Variants in ZDBF2 observed in about 807,000 individuals in gnomAD.
ZDBF2 encodes the protein DBF4-type zinc finger-containing protein 2.
In ZDBF2, 6 loss-of-function variants were observed where a neutral mutation model predicts 9.4. That is an observed-to-expected ratio of 0.64 (90% CI 0.35 to 1.27). ZDBF2 has a LOEUF of 1.27. Among genes scored for constraint, ZDBF2 ranks in the 50% most tolerant of loss-of-function variants. The probability of loss-of-function intolerance (pLI) is 0.03; values close to 1 mark genes in which losing one functional copy is unlikely to be tolerated. For missense variants in ZDBF2, 2,697 were observed against 2,766.8 expected, an observed-to-expected ratio of 0.97 and a Z score of 0.57; for synonymous variants, 905 against 946.3, an observed-to-expected ratio of 0.96 and a Z score of 0.80.
rs373500131 is a variant in ZDBF2 at position 206,311,380 on chromosome 2, C to T, written c.6852C>T (p.Ser2284=). The T allele has an allele frequency of 4.4e-6, 7 of 1,606,176 alleles. No homozygotes were observed. Among genetic ancestry groups the T allele is most frequent in the Admixed American group, 1.7e-5 (1 of 58,600 alleles). ...CAGCTGGTGCCGAAGAGCTGTCAAG[C>T]GCTATGGCAAATCCTCCTCCAAAGC... ...VPPAGAEELS[S]AMANPPPKRP... The change falls in exon 5 of 5, where the codon AGC becomes AGT. Residue 2284 remains serine, a synonymous_variant. Transcript: ENST00000374423.
At chr2:206,283,952 C>T (rs1370577076) in intron 3 of ZDBF2, among the ~76,000 whole-genome samples, 6 of 152,162 alleles carry the variant, frequency 3.9e-5, no homozygotes, top group Admixed American at 1.3e-4. Flanking sequence ...TGTGAGCCAC[C>T]ACAACTGGCC....
intron 3 of ZDBF2, among the ~76,000 whole-genome samples, chr2:206,287,091 C>T (rs1691642930): frequency 6.6e-6 from 1 of 152,126 alleles, no homozygotes; most frequent in African/African-American, 2.4e-5. Flanking sequence ...GCACCTGGAT[C>T]TTGGGGTACA....
intron 3 of ZDBF2, 76 bp from the exon 4 acceptor site, chr2:206,297,170 A>G (rs1231000386): frequency 3.3e-6 from 2 of 611,628 alleles, no homozygotes; most frequent in Non-Finnish European, 5.8e-6. Context: ...AGAGTATAGA[A>G]ATGAATCCAT....
chr2:206,311,455 T>G lies in ZDBF2; in HGVS notation c.6927T>G (p.Asp2309Glu). ...TTGCAAGAAGGAGGAAGAAGACTGA[T>G]GAAAGCTACCATGGCCGACAGAAAG... ...CRVARRRKKT[D>E]ESYHGRQKGP... The change falls in exon 5 of 5, where the codon GAT becomes GAG. Residue 2309 changes from aspartate (D) to glutamate (E), a missense_variant. By Grantham distance (45) the Asp-to-Glu change is conservative (BLOSUM62 2). This residue lies in a region of ZDBF2 where 1,783 missense variants were observed against 1,776.5 expected (regional missense o/e 1.00). Transcript: ENST00000374423. The G allele has an allele frequency of 1.2e-6, 2 of 1,612,670 alleles. No individual in the cohort carries two copies.
rs370689526 is a variant in ZDBF2 at position 206,305,721 on chromosome 2, A to T, written c.1193A>T (p.Asn398Ile). ...GAGGAGCAAATTGACCAAGAAGATA[A>T]CTATGAGTCTAGAGGTTCAGAAATG... is the stretch of plus-strand genomic sequence containing the variant. ...WKEEQIDQED[N>I]YESRGSEMSF... The change falls in exon 5 of 5, where the codon AAC (asparagine) becomes ATC (isoleucine). Residue 398 changes from asparagine to isoleucine, a missense_variant. By Grantham distance (149) the Asn-to-Ile change is moderately radical. Transcript: ENST00000374423. The T allele has an allele frequency of 1.4e-5, 22 of 1,613,678 alleles. No homozygotes were observed. Among genetic ancestry groups the T allele is most frequent in the Non-Finnish European group, 1.8e-5 (21 of 1,179,820 alleles).
chr2:206,313,594 A>G lies in ZDBF2; in HGVS notation c.*2001A>G, dbSNP rs532128330. 16 of 152,300 alleles carry G rather than the reference A, an allele frequency of 1.1e-4. No homozygotes were observed. Among genetic ancestry groups the G allele is most frequent in the Middle Eastern group, 3.4e-3 (1 of 294 alleles). The allele number at this position is 152,300 out of a possible 1,614,324, so 9.4% of individuals were successfully genotyped here. A position where few individuals can be genotyped will look rare whatever the true frequency, so the allele number is the denominator to read the frequency against. ...TAAATATTATTAATAGACATTCTAC[A>G]GTCTTTCAGTGTAAGTTTAAAAGCA... On this transcript the variant is annotated 3_prime_UTR_variant, in exon 5 of 5. Transcript: ENST00000374423.
chr2:206,284,104 A>G (rs1051856292), intron 3 of ZDBF2, among the ~76,000 whole-genome samples: 4 of 152,080 alleles, frequency 2.6e-5, no homozygotes, highest in African/African-American at 4.8e-5. Flanking sequence ...AGAGTTTTAC[A>G]GTTACTCTTA....
intron 3 of ZDBF2, among the ~76,000 whole-genome samples, chr2:206,292,539 G>A (rs1324910345): frequency 2.0e-5 from 3 of 151,744 alleles, no homozygotes; most frequent in African/African-American, 7.3e-5. Flanking sequence ...CCTAGTCAAA[G>A]AAATAAGGAA....
chr2:206,281,772 T>A, intron 2 of ZDBF2, 29 bp from the exon 3 acceptor site: 1 of 1,390,626 alleles, frequency 7.2e-7, no homozygotes, highest in Non-Finnish European at 1.0e-6. Flanking sequence ...GGAATTATGA[T>A]TTTTACCATT....
chr2:206,277,702 A>T (rs1439076149), intron 1 of ZDBF2, among the ~76,000 whole-genome samples: 1 of 147,170 alleles, frequency 6.8e-6, no homozygotes, highest in Non-Finnish European at 1.5e-5. Flanking sequence ...GTGAAAAGAC[A>T]TGTCTCGAAA....
At chr2:206,282,665 G>A (rs1691385849) in intron 3 of ZDBF2, among the ~76,000 whole-genome samples, 1 of 152,210 alleles carries the variant, frequency 6.6e-6, no homozygotes, top group Middle Eastern at 3.4e-3. Flanking sequence ...GGTTCATTCT[G>A]GCTGCTGAGG....
At chr2:206,287,435 C>G (rs1691659587) in intron 3 of ZDBF2, among the ~76,000 whole-genome samples, 1 of 152,190 alleles carries the variant, frequency 6.6e-6, no homozygotes, top group Non-Finnish European at 1.5e-5. Flanking sequence ...GCAGAGAAAG[C>G]TGCTGTTAGT....
intron 4 of ZDBF2, among the ~76,000 whole-genome samples, chr2:206,302,379 A>T (rs1692551586): frequency 6.6e-6 from 1 of 152,110 alleles, no homozygotes; most frequent in Non-Finnish European, 1.5e-5. Context: ...GTGGTTACAA[A>T]TGATGAGTTA....
At position 206,309,323 on chromosome 2, in the gene ZDBF2, G is replaced by A. The variant is rs1693011318; in HGVS notation, c.4795G>A (p.Glu1599Lys). The A allele has an allele frequency of 3.1e-6, 5 of 1,612,522 alleles. No individual in the cohort carries two copies. Among genetic ancestry groups the A allele is most frequent in the African/African-American group, 1.3e-5 (1 of 74,920 alleles). ...TCCCTCAATGACAAACCAATGCAAAGAGACTTTCAAAATAATAAACCGGAA... is the reference window on the plus strand; with the variant it reads ...TCCCTCAATGACAAACCAATGCAAAAAGACTTTCAAAATAATAAACCGGAA... ...STPSMTNQCK[E>K]TFKIINRKKD... is the part of the protein sequence containing the mutation. Residue 1599 changes from glutamate to lysine, a missense_variant, in exon 5 of 5, where the codon GAG becomes AAG. By Grantham distance (56) the Glu-to-Lys change is moderately conservative. Transcript: ENST00000374423.
rs1574398144 is a variant in ZDBF2, at chr2:206,294,208, A to C, written c.61-3038A>C. On this transcript the variant is annotated intron_variant, in intron 3 of 4. Coordinates refer to ENST00000374423, the MANE Select transcript of ZDBF2 (RefSeq NM_020923.3). ...ACTATAGTATTAAAAGTTAGGTAAT[A>C]GTTACTTTTGGGGAAAAGGGAAGGG... Among the ~76,000 whole-genome samples the C allele has an allele frequency of 2.6e-5, 4 of 152,306 alleles. No individual in the cohort carries two copies. The South Asian group carries it at 6.2e-4, about 24-fold the overall frequency.
chr2:206,279,165 A>G (rs1462137826), intron 1 of ZDBF2, among the ~76,000 whole-genome samples: 1 of 152,214 alleles, frequency 6.6e-6, no homozygotes, highest in Non-Finnish European at 1.5e-5. Flanking sequence ...CATTAAAGCT[A>G]ACGTGGTACC....
rs1421728333 is a variant in ZDBF2 at position 206,306,498 on chromosome 2, T to C, written c.1970T>C (p.Met657Thr). Residue 657 changes from methionine to threonine, a missense_variant, in exon 5 of 5, where the codon ATG becomes ACG. This residue lies in a region of ZDBF2 where 910 missense variants were observed against 973.6 expected (regional missense o/e 0.93). Coordinates refer to ENST00000374423, the MANE Select transcript of ZDBF2 (RefSeq NM_020923.3). Reference protein sequence around the residue: ...NLLKEKNADLMDMNCESHGPE... With the variant: ...NLLKEKNADLTDMNCESHGPE... ...CTGAAGGAGAAGAATGCTGACCTTA[T>C]GGATATGAACTGTGAATCCCATGGT... 48 of 1,613,712 alleles carry C rather than the reference T, an allele frequency of 3.0e-5. No homozygotes were observed. The highest frequency in any genetic ancestry group is 3.9e-5 in the Non-Finnish European group (46 of 1,179,814).
chr2:206,310,001 C>G lies in ZDBF2; in HGVS notation c.5473C>G (p.Pro1825Ala), dbSNP rs1287496755. The G allele has an allele frequency of 1.2e-6, 2 of 1,612,920 alleles. No individual in the cohort carries two copies. Among genetic ancestry groups the G allele is most frequent in the Non-Finnish European group, 8.5e-7 (1 of 1,179,654 alleles). The part of the protein sequence containing the change: ...PVLEALPHVP[P>A]SFVGKTWSQI... Reference sequence around the variant, plus strand: ...TCTTGAAGCCTTGCCTCATGTACCTCCTTCATTTGTGGGGAAAACATGGTC... The same window carrying G: ...TCTTGAAGCCTTGCCTCATGTACCTGCTTCATTTGTGGGGAAAACATGGTC... The change falls in exon 5 of 5, where the codon CCT (proline) becomes GCT (alanine). Residue 1825 changes from proline (P) to alanine (A), a missense_variant. Around this residue, in one of 3 missense-constraint regions of ZDBF2, gnomAD observed 1,783 missense variants for 1,776.5 expected, o/e 1.00. Coordinates refer to ENST00000374423, the MANE Select transcript of ZDBF2 (RefSeq NM_020923.3).
rs1283430312 is a variant in ZDBF2 at position 206,307,519 on chromosome 2, T to C, written c.2991T>C (p.Gly997=). 1 of 1,613,698 alleles carries C rather than the reference T, an allele frequency of 6.2e-7. No homozygotes were observed. The change falls in exon 5 of 5, where the codon GGT becomes GGC. Residue 997 remains glycine, a synonymous_variant. Transcript: ENST00000374423. ...EFQGRSTEFS[G]SKTSLDSGVP... Reference sequence around the variant, plus strand: ...AAGGTAGAAGTACTGAATTCAGTGGTTCAAAAACAAGTTTAGATTCTGGTG... The same window carrying C: ...AAGGTAGAAGTACTGAATTCAGTGGCTCAAAAACAAGTTTAGATTCTGGTG...
Sources: allele counts gnomAD v4.1 joint callset (sites outside exome capture counted in the v4.1 genomes callset), GRCh38; gene constraint gnomAD v4.1.1; regional missense constraint gnomAD v4.1.1; transcripts MANE v1.5; gene names NCBI Gene and HGNC (gene_info 2026-07-23, HGNC 2026-07-21).